The following SLC24A2 variants were observed in gnomAD, a reference collection of about 807,000 sequenced individuals.
SLC24A2 encodes sodium/potassium/calcium exchanger 2.
Under a neutral mutation model 62.0 loss-of-function variants are expected in SLC24A2, and 36 were observed. The ratio of observed to expected loss-of-function variants is 0.58; its 90% CI spans 0.44 to 0.77. The LOEUF (loss-of-function observed/expected upper bound fraction) is 0.77. Ranked by LOEUF, SLC24A2 falls within the 30% of genes least tolerant of loss-of-function variation. The pLI is 0.00. For synonymous variants in SLC24A2, 358 were observed against 294.0 expected, an observed-to-expected ratio of 1.22 and a Z score of -2.23; for missense variants, 846 against 817.9, an observed-to-expected ratio of 1.03 and a Z score of -0.42.
At chr9:20,203,737 G>T in the SLC24A2 span, among the ~76,000 whole-genome samples, 1 of 151,984 alleles carries the variant, frequency 6.6e-6, no homozygotes, top group African/African-American at 2.4e-5. Flanking sequence ...AGCAGAAGAA[G>T]AAATTAGCTG....
chr9:19,975,900 T>TTTTGTTTGTTTGTTG, the SLC24A2 span, among the ~76,000 whole-genome samples: 5 of 150,898 alleles, frequency 3.3e-5, no homozygotes, highest in African/African-American at 1.2e-4. Flanking sequence ...AAACATACGT[T>TTTTGTTTGTTTGTTG]TTTGTTTGTT....
the SLC24A2 span, among the ~76,000 whole-genome samples, chr9:20,301,840 C>G: frequency 5.3e-5 from 8 of 152,132 alleles, no homozygotes; most frequent in African/African-American, 1.9e-4. Context: ...CAGGTATCCA[C>G]TATTATAGTA....
chr9:19,866,630 T>A, the SLC24A2 span, among the ~76,000 whole-genome samples: 1 of 46,634 alleles, frequency 2.1e-5, no homozygotes, highest in Non-Finnish European at 4.6e-5. Flanking sequence ...TTTCACTTTT[T>A]TTTTTTTTTT....
the SLC24A2 span, among the ~76,000 whole-genome samples, chr9:19,838,414 T>G: frequency 6.6e-6 from 1 of 151,502 alleles, no homozygotes; most frequent in Non-Finnish European, 1.5e-5. Context: ...ATACAAAAAT[T>G]AATTCAAGAT....
the SLC24A2 span, among the ~76,000 whole-genome samples, chr9:20,300,499 C>G: frequency 1.3e-5 from 2 of 152,188 alleles, no homozygotes; most frequent in African/African-American, 4.8e-5. Context: ...GTGTTAAAAT[C>G]ATGCTTCAGA....
At chr9:19,617,028 C>A (rs924736936) in intron 4 of SLC24A2, among the ~76,000 whole-genome samples, 2 of 152,210 alleles carry the variant, frequency 1.3e-5, no homozygotes, top group Admixed American at 1.3e-4. Context: ...GAGTTTGGAG[C>A]AAGAGGCAGA....
intron 2 of SLC24A2, among the ~76,000 whole-genome samples, chr9:19,693,336 C>T (rs529787685): frequency 1.3e-5 from 2 of 152,232 alleles, no homozygotes; most frequent in East Asian, 3.9e-4. Flanking sequence ...GGTCTCTGAT[C>T]ATTCATTTGT....
At chr9:19,983,572 C>T in the SLC24A2 span, among the ~76,000 whole-genome samples, 2 of 151,966 alleles carry the variant, frequency 1.3e-5, no homozygotes, top group African/African-American at 2.4e-5. Context: ...GTACCCAGGA[C>T]GTGGAGGTTG....
At chr9:20,020,312 G>GAACCA in the SLC24A2 span, among the ~76,000 whole-genome samples, 1 of 152,134 alleles carries the variant, frequency 6.6e-6, no homozygotes, top group Non-Finnish European at 1.5e-5. Flanking sequence ...CAAAGACTTG[G>GAACCA]AACCAACCCA....
chr9:19,812,513 T>C, the SLC24A2 span, among the ~76,000 whole-genome samples: 7 of 152,210 alleles, frequency 4.6e-5, no homozygotes, highest in Admixed American at 4.6e-4. Context: ...AACTTTCATT[T>C]GATTCTTTTT....
the SLC24A2 span, among the ~76,000 whole-genome samples, chr9:20,226,713 G>A: frequency 6.6e-6 from 1 of 152,062 alleles, no homozygotes; most frequent in Admixed American, 6.6e-5. Flanking sequence ...TCGTCATCTA[G>A]TGGGCACATT....
At chr9:20,038,632 C>T in the SLC24A2 span, among the ~76,000 whole-genome samples, 1 of 108,686 alleles carries the variant, frequency 9.2e-6, no homozygotes, top group Non-Finnish European at 2.0e-5. Context: ...AAGAAACAAA[C>T]AAAAAAAAAA....
the SLC24A2 span, among the ~76,000 whole-genome samples, chr9:20,081,294 A>T: frequency 7.0e-4 from 107 of 152,198 alleles, 1 homozygote; most frequent in East Asian, 0.019. Flanking sequence ...AATACTATGC[A>T]GCCATAAAAA....
chr9:19,893,703 G>A, the SLC24A2 span, among the ~76,000 whole-genome samples: 1 of 152,168 alleles, frequency 6.6e-6, no homozygotes, highest in African/African-American at 2.4e-5. Context: ...AGGTCTCATT[G>A]TTGGTATTAG....
At chr9:19,986,362 T>C in the SLC24A2 span, among the ~76,000 whole-genome samples, 4 of 152,004 alleles carry the variant, frequency 2.6e-5, no homozygotes, top group Non-Finnish European at 5.9e-5. Flanking sequence ...TTGGTTGCTG[T>C]ACAAAACTGG....
chr9:20,019,087 AAGAAAGAAAGAAAGAT>A, the SLC24A2 span, among the ~76,000 whole-genome samples: 716 of 43,304 alleles, frequency 0.017, 25 homozygotes, highest in South Asian at 0.042. Flanking sequence ...GAAAGAGAGA[AAGAAAGAAAGAAAGAT>A]AGAAAGAAAG....
chr9:19,733,536 A>G (rs1259752629), intron 2 of SLC24A2, among the ~76,000 whole-genome samples: 1 of 152,150 alleles, frequency 6.6e-6, no homozygotes, highest in East Asian at 1.9e-4. Flanking sequence ...CAGCACTCAC[A>G]CCTCGCTCAG....
the SLC24A2 span, among the ~76,000 whole-genome samples, chr9:20,233,253 A>G: frequency 6.6e-6 from 1 of 152,288 alleles, no homozygotes; most frequent in South Asian, 2.1e-4. Context: ...TGCTTGGTGC[A>G]GAGCTGAGTT....
At chr9:20,108,621 T>C in the SLC24A2 span, among the ~76,000 whole-genome samples, 6 of 150,852 alleles carry the variant, frequency 4.0e-5, no homozygotes, top group African/African-American at 1.5e-4. Flanking sequence ...CACTGCATAT[T>C]CTCACTCATA....
Sources: gnomAD v4.1 joint callset for allele counts (sites outside exome capture counted in the v4.1 genomes callset) on GRCh38, gnomAD v4.1.1 for gene constraint, MANE v1.5 for transcripts, NCBI Gene and HGNC (gene_info 2026-07-23, HGNC 2026-07-21) for gene names.